MSN: variants seen among roughly 807,000 people sequenced by gnomAD.
MSN encodes the protein moesin, also known as epididymis luminal protein 70.
Under a neutral mutation model 48.0 loss-of-function variants are expected in MSN, and 2 were observed. The ratio of observed to expected loss-of-function variants is 0.04; its 90% CI spans 0.02 to 0.13. MSN has a LOEUF of 0.13. Among genes scored for constraint, MSN ranks in the 10% least tolerant of loss-of-function variants. MSN has a pLI of 1.00. For missense variants in MSN, 267 were observed against 470.1 expected (o/e 0.57, Z 3.99); for synonymous variants, 146 against 166.9 (o/e 0.87, Z 0.97).
intron 1 of MSN, among the ~76,000 whole-genome samples, chrX:65,651,015 A>T (rs2070737954): frequency 8.9e-6 from 1 of 111,733 alleles, no homozygotes; most frequent in African/African-American, 3.3e-5. Context: ...CACTGTGCCC[A>T]CGCGGGTAAT....
At chrX:65,662,741 T>G (rs2070833881), upstream of MSN, among the ~76,000 whole-genome samples, 1 of 112,309 alleles carries the variant, frequency 8.9e-6, no homozygotes, top group African/African-American at 3.2e-5. Context: ...AAAATTTTTG[T>G]CTACGTCTCA....
At chrX:65,671,810 C>T (rs935106776) in intron 1 of MSN, among the ~76,000 whole-genome samples, 19 of 112,043 alleles carry the variant, frequency 1.7e-4, no homozygotes, top group Non-Finnish European at 3.0e-4. Flanking sequence ...TATGCTCTCT[C>T]GTGTTAGGCT....
chrX:65,602,253 A>G (rs1186126655), intron 1 of MSN, among the ~76,000 whole-genome samples: 4 of 111,889 alleles, frequency 3.6e-5, no homozygotes, highest in Non-Finnish European at 7.5e-5. Flanking sequence ...ATACAAAGAT[A>G]AAAGAGTTCT....
intron 1 of MSN, among the ~76,000 whole-genome samples, chrX:65,677,290 G>T (rs113223212): frequency 8.9e-6 from 1 of 111,997 alleles, no homozygotes; most frequent in African/African-American, 3.3e-5. Flanking sequence ...TAGTTAAGTC[G>T]TACAAATCTT....
chrX:65,666,008 CTTATT>C (rs2070864999), upstream of MSN, among the ~76,000 whole-genome samples: 1 of 111,323 alleles, frequency 9.0e-6, no homozygotes, highest in African/African-American at 3.3e-5. Context: ...AAAACTCGGA[CTTATT>C]TTATTTTACT....
At chrX:65,731,428 G>T (rs779818581) in intron 5 of MSN, among the ~76,000 whole-genome samples, 1 of 111,910 alleles carries the variant, frequency 8.9e-6, no homozygotes, top group South Asian at 3.7e-4. Flanking sequence ...GAAATGGAGG[G>T]AGCTCTTACA....
intron 1 of MSN, among the ~76,000 whole-genome samples, chrX:65,653,965 G>A (rs138158276): frequency 9.2e-6 from 1 of 109,161 alleles, no homozygotes; most frequent in East Asian, 2.9e-4. Context: ...TGGTAGAAAC[G>A]GGGTTTCACC....
At chrX:65,660,579 T>C (rs946604837) in intron 1 of MSN, among the ~76,000 whole-genome samples, 2 of 107,129 alleles carry the variant, frequency 1.9e-5, no homozygotes, top group African/African-American at 6.8e-5. Flanking sequence ...TTTTTTTTTT[T>C]TTTTTTGAGA....
At chrX:65,738,768 ATACT>A (rs751682668) in intron 11 of MSN, 151 bp downstream of exon 11, 9 of 625,101 alleles carry the variant, frequency 1.4e-5, no homozygotes, top group Non-Finnish European at 2.0e-5. Flanking sequence ...GTTTCGTCAA[ATACT>A]TACTGGAGTT....
intron 1 of MSN, among the ~76,000 whole-genome samples, chrX:65,641,930 T>C (rs2070657923): frequency 9.4e-6 from 1 of 106,767 alleles, no homozygotes; most frequent in Non-Finnish European, 1.9e-5. Flanking sequence ...AGGTTGGGAG[T>C]TCGAGACCAG....
chrX:65,738,916 C>G (rs2071708267), intron 11 of MSN, 54 bp from the exon 12 acceptor site: 6 of 1,165,774 alleles, frequency 5.1e-6, no homozygotes, highest in Non-Finnish European at 5.8e-6. Context: ...ATACAGGATG[C>G]CACAGTTTAA....
intron 1 of MSN, among the ~76,000 whole-genome samples, chrX:65,676,122 A>G (rs2070996251): frequency 8.9e-6 from 1 of 112,335 alleles, no homozygotes; most frequent in Admixed American, 9.4e-5. Flanking sequence ...TATTTGGGAA[A>G]GGGTGGAGAT....
intron 10 of MSN, among the ~76,000 whole-genome samples, chrX:65,738,139 C>T (rs999032965): frequency 1.8e-5 from 2 of 112,115 alleles, no homozygotes; most frequent in Non-Finnish European, 1.9e-5. Context: ...TGGGAAGACT[C>T]TTAGTCGAAT....
chrX:65,602,156 C>A (rs1342772304), intron 1 of MSN, among the ~76,000 whole-genome samples: 1 of 112,349 alleles, frequency 8.9e-6, no homozygotes, highest in Non-Finnish European at 1.9e-5. Context: ...TAATTGATTC[C>A]ATTTTAACCA....
intron 3 of MSN, 46 bp from the exon 4 acceptor site, chrX:65,729,392 C>T (rs1381618691): frequency 2.5e-6 from 3 of 1,179,995 alleles, no homozygotes; most frequent in Admixed American, 4.5e-5. Context: ...ACTCCATTAC[C>T]CTTAAAACCT....
At chrX:65,605,237 T>C (rs1318991571) in intron 1 of MSN, among the ~76,000 whole-genome samples, 2 of 112,649 alleles carry the variant, frequency 1.8e-5, no homozygotes, top group African/African-American at 6.5e-5. Flanking sequence ...CTACACAATC[T>C]TTCCTGCCAA....
chrX:65,610,504 G>T (rs1410858754), intron 1 of MSN, among the ~76,000 whole-genome samples: 1 of 112,136 alleles, frequency 8.9e-6, no homozygotes, highest in African/African-American at 3.2e-5. Context: ...CCATTGATCT[G>T]TTGATGGACA....
intron 1 of MSN, among the ~76,000 whole-genome samples, chrX:65,598,745 A>G (rs954449129): frequency 2.7e-5 from 3 of 111,766 alleles, no homozygotes; most frequent in Non-Finnish European, 5.6e-5. Flanking sequence ...ACTGCGGGCA[A>G]TGTAATAACA....
intron 1 of MSN, among the ~76,000 whole-genome samples, chrX:65,621,027 G>A (rs990476006): frequency 1.3e-4 from 14 of 109,530 alleles, no homozygotes; most frequent in Non-Finnish European, 1.9e-4. Flanking sequence ...CCAGGTTCAA[G>A]CCATTATCCT....
Sources: gnomAD v4.1 joint callset for allele counts (sites outside exome capture counted in the v4.1 genomes callset) on GRCh38, gnomAD v4.1.1 for gene constraint, MANE v1.5 for transcripts, NCBI Gene and HGNC (gene_info 2026-07-23, HGNC 2026-07-21) for gene names.